PTK2: variants seen among roughly 807,000 people sequenced by gnomAD.
PTK2 encodes protein tyrosine kinase 2, also known as focal adhesion kinase 1.
Under a neutral mutation model 150.1 loss-of-function variants are expected in PTK2, and 45 were observed. That is an observed-to-expected ratio of 0.30 (90% confidence interval 0.24 to 0.38). The LOEUF (loss-of-function observed/expected upper bound fraction) is 0.38, where lower values mean the gene tolerates loss of function less well. PTK2 is among the 10% of genes least tolerant of loss of function. PTK2 has a pLI of 1.00. For synonymous variants in PTK2, 432 were observed against 449.2 expected (o/e 0.96, Z 0.48); for missense variants, 919 against 1,307.3 (o/e 0.70, Z 4.58).
intron 2 of PTK2, among the ~76,000 whole-genome samples, chr8:140,898,664 G>GA (rs1240251594): frequency 1.3e-4 from 20 of 151,912 alleles, no homozygotes; most frequent in Admixed American, 1.3e-3. Flanking sequence ...ACAAAAAAGG[G>GA]AAAAAAATGC....
At chr8:140,972,414 G>A (rs114483137) in intron 1 of PTK2, among the ~76,000 whole-genome samples, 3,457 of 152,094 alleles carry the variant, frequency 0.023, 133 homozygotes, top group African/African-American at 0.078. Flanking sequence ...ACAGGCGCAC[G>A]CCACCACGCC....
intron 26 of PTK2, among the ~76,000 whole-genome samples, chr8:140,688,444 T>C (rs535479072): frequency 1.4e-5 from 2 of 141,690 alleles, no homozygotes; most frequent in Non-Finnish European, 3.1e-5. Flanking sequence ...TTGGGTGTGG[T>C]GGTGTGTGCC....
At chr8:140,990,230 C>A (rs1025847373) in intron 1 of PTK2, among the ~76,000 whole-genome samples, 1 of 124,294 alleles carries the variant, frequency 8.0e-6, no homozygotes, top group African/African-American at 2.6e-5. Flanking sequence ...TCTCCTTGAC[C>A]AATTTTTTTT....
intron 31 of PTK2, 54 bp downstream of exon 35, chr8:140,664,863 G>A (rs2087880117): frequency 1.3e-6 from 2 of 1,546,550 alleles, no homozygotes; most frequent in Non-Finnish European, 8.9e-7. Flanking sequence ...ATCCCTGAAT[G>A]TGTCCCTGCC....
intron 16 of PTK2, among the ~76,000 whole-genome samples, chr8:140,753,288 TGA>T (rs1001016144): frequency 1.3e-5 from 2 of 152,048 alleles, no homozygotes; most frequent in South Asian, 2.1e-4. Flanking sequence ...GATGCAGGTG[TGA>T]GAGAGTCAAG....
intron 3 of PTK2, among the ~76,000 whole-genome samples, chr8:140,886,379 G>C (rs1044816111): frequency 5.3e-5 from 8 of 152,190 alleles, no homozygotes; most frequent in Admixed American, 5.2e-4. Context: ...AGAACAAGAT[G>C]GGGGGATAGA....
exon 8 of PTK2, chr8:140,830,486 G>T: frequency 6.5e-7 from 1 of 1,543,620 alleles, no homozygotes; most frequent in East Asian, 2.3e-5. Context: ...ACAGAATCCA[G>T]TAAACTCTTA....
chr8:140,820,075 GGTTTTTTTTTTTTTTTTTTTTT>G (rs2100107268), intron 8 of PTK2, among the ~76,000 whole-genome samples: 1 of 49,102 alleles, frequency 2.0e-5, no homozygotes, highest in Non-Finnish European at 4.5e-5. Flanking sequence ...ATCTGACTTT[GGTTTTTTTTTTTTTTTTTTTTT>G]TTTTTTTTTT....
chr8:140,803,405 T>C (rs1347667364), intron 11 of PTK2, 138 bp downstream of exon 11: 6 of 702,618 alleles, frequency 8.5e-6, no homozygotes, highest in East Asian at 2.7e-5. Context: ...TTGTTTCTAA[T>C]GTAACCCTTT....
chr8:140,659,510 C>A (rs763671069), exon 32 of PTK2: 1 of 1,613,454 alleles, frequency 6.2e-7, no homozygotes. Flanking sequence ...CTTGCTTGGT[C>A]AATGACATCG....
chr8:140,786,991 C>T (rs988869358), intron 14 of PTK2, among the ~76,000 whole-genome samples: 2 of 151,980 alleles, frequency 1.3e-5, no homozygotes, highest in African/African-American at 4.8e-5. Context: ...TGAGGGAAGA[C>T]TGGAGAAGTG....
At position 140,835,608 on chromosome 8, in the gene PTK2, T is replaced by A. The variant is rs184639364; in HGVS notation, c.594-5082A>T. Among the ~76,000 whole-genome samples, 43 of 152,304 alleles carry A rather than the reference T, an allele frequency of 2.8e-4. 1 individual carries two copies. The highest frequency in any genetic ancestry group is 2.5e-3 in the Admixed American group (39 of 15,302). The stretch of plus-strand genomic sequence containing the variant: ...GACATTCTCCCCTTCATCCTGGGGA[T>A]GAAGTTGTCTTTTGGCCAGGTAAAG... On this transcript the variant is annotated intron_variant, in intron 7 of 31. Transcript: ENST00000522684.
intron 10 of PTK2, among the ~76,000 whole-genome samples, chr8:140,807,082 G>C (rs567353104): frequency 9.8e-5 from 15 of 152,356 alleles, no homozygotes; most frequent in African/African-American, 3.6e-4. Flanking sequence ...GCAGGGCCAT[G>C]CCTGGCATGT....
chr8:140,683,502 T>C (rs2100018175), intron 27 of PTK2, among the ~76,000 whole-genome samples: 1 of 152,086 alleles, frequency 6.6e-6, no homozygotes. Flanking sequence ...ACTCATTCTA[T>C]GAGGCCAGAA....
At chr8:140,984,171 AC>A (rs1251509715) in intron 1 of PTK2, 15 of 152,186 alleles carry the variant, frequency 9.9e-5, no homozygotes, top group Middle Eastern at 7.7e-4. Flanking sequence ...TCAAAAAAAA[AC>A]AAAAAAAAAA....
At chr8:140,999,150 G>A (rs1454724512) in intron 1 of PTK2, among the ~76,000 whole-genome samples, 2 of 152,118 alleles carry the variant, frequency 1.3e-5, no homozygotes, top group African/African-American at 2.4e-5. Flanking sequence ...GCCCCAAACC[G>A]TAAACATGGA....
intron 5 of PTK2, among the ~76,000 whole-genome samples, chr8:140,862,895 T>C (rs941558534): frequency 2.6e-5 from 4 of 152,094 alleles, no homozygotes; most frequent in African/African-American, 9.7e-5. Flanking sequence ...TCAAAACCAG[T>C]CGCTGGTGCC....
At chr8:140,776,854 T>A (rs542573721) in intron 14 of PTK2, among the ~76,000 whole-genome samples, 1 of 152,334 alleles carries the variant, frequency 6.6e-6, no homozygotes, top group Non-Finnish European at 1.5e-5. Context: ...TGACTGTGGC[T>A]GACACAAAGT....
chr8:140,744,842 A>G, intron 18 of PTK2, 75 bp from the exon 22 acceptor site: 1 of 782,984 alleles, frequency 1.3e-6, no homozygotes, highest in Non-Finnish European at 2.1e-6. Context: ...AAAGCAAAAA[A>G]GCTACATTCA....
Sources: gnomAD v4.1 joint callset for allele counts (sites outside exome capture counted in the v4.1 genomes callset) on GRCh38, gnomAD v4.1.1 for gene constraint, MANE v1.5 for transcripts, NCBI Gene and HGNC (gene_info 2026-07-23, HGNC 2026-07-21) for gene names.